Variants in BICRAL observed in about 807,000 individuals in gnomAD.
The protein encoded by BICRAL is BICRA like chromatin remodeling complex associated protein.
BICRAL carries 8 observed loss-of-function variants against 91.8 expected under a neutral mutation model. The observed-to-expected ratio is 0.09, with a 90% confidence interval of 0.05 to 0.16. BICRAL has a LOEUF of 0.16. BICRAL is among the 10% of genes least tolerant of loss of function. The probability of loss-of-function intolerance (pLI) is 1.00; values close to 1 mark genes in which losing one functional copy is unlikely to be tolerated. For missense variants in BICRAL, 1,038 were observed against 1,310.9 expected, an observed-to-expected ratio of 0.79 and a Z score of 3.21; for synonymous variants, 445 against 491.1, an observed-to-expected ratio of 0.91 and a Z score of 1.24.
At chr6:42,835,962 G>T (rs1449002766) in intron 6 of BICRAL, among the ~76,000 whole-genome samples, 1 of 152,042 alleles carries the variant, frequency 6.6e-6, no homozygotes, top group Admixed American at 6.6e-5. Flanking sequence ...AACAAAAAAT[G>T]TGCAGTTAAT....
At chr6:42,786,782 A>G (rs1763114622) in intron 1 of BICRAL, among the ~76,000 whole-genome samples, 1 of 152,144 alleles carries the variant, frequency 6.6e-6, no homozygotes, top group African/African-American at 2.4e-5. Context: ...AGCTGGGGAG[A>G]CATTTCAGAC....
intron 1 of BICRAL, among the ~76,000 whole-genome samples, chr6:42,803,223 G>A (rs934698106): frequency 2.0e-5 from 3 of 152,294 alleles, no homozygotes; most frequent in Admixed American, 6.5e-5. Flanking sequence ...CCCTTTATAA[G>A]GAGGTTTGTT....
chr6:42,791,833 G>A (rs898178711), intron 1 of BICRAL, among the ~76,000 whole-genome samples: 14 of 152,112 alleles, frequency 9.2e-5, no homozygotes, highest in African/African-American at 3.4e-4. Context: ...TGAATGCATC[G>A]TTAGGTGATT....
At chr6:42,837,459 A>C (rs1049458707) in intron 6 of BICRAL, among the ~76,000 whole-genome samples, 4 of 151,914 alleles carry the variant, frequency 2.6e-5, no homozygotes, top group African/African-American at 9.7e-5. Flanking sequence ...TTGGTTCAAA[A>C]AATCAAATGG....
At position 42,759,367 on chromosome 6, in the gene BICRAL, G is replaced by T. The variant is rs567781900; in HGVS notation, c.-261+12344G>T. Among the ~76,000 whole-genome samples the T allele has an allele frequency of 1.2e-4, 19 of 152,318 alleles. No individual in the cohort carries two copies. In the South Asian group the frequency reaches 3.9e-3, roughly 32 times the overall value. On this transcript the variant is annotated intron_variant, in intron 1 of 14. Coordinates refer to the BICRAL transcript ENST00000614467. Reference sequence around the variant, plus strand: ...CCTTTAACAAAGGATCAGTCTGGATGCTCTGTGTGAAGTGGATTTACATGG... The same window carrying T: ...CCTTTAACAAAGGATCAGTCTGGATTCTCTGTGTGAAGTGGATTTACATGG...
At chr6:42,838,586 A>G (rs1019083083) in intron 6 of BICRAL, among the ~76,000 whole-genome samples, 7 of 152,202 alleles carry the variant, frequency 4.6e-5, no homozygotes, top group African/African-American at 1.7e-4. Context: ...TCACCTGAAT[A>G]TTATATTGAT....
At chr6:42,767,259 T>G (rs991438534) in intron 1 of BICRAL, among the ~76,000 whole-genome samples, 1 of 152,238 alleles carries the variant, frequency 6.6e-6, no homozygotes, top group African/African-American at 2.4e-5. Flanking sequence ...TGTTTGCTTA[T>G]TAATTCCAGT....
upstream of BICRAL, among the ~76,000 whole-genome samples, chr6:42,781,062 G>T (rs1408237373): frequency 3.3e-5 from 5 of 151,818 alleles, no homozygotes; most frequent in Non-Finnish European, 1.5e-5. Flanking sequence ...AAATACTTTG[G>T]ATACTAGATA....
At chr6:42,783,636 G>A (rs3800290) in intron 1 of BICRAL, among the ~76,000 whole-genome samples, 1 of 151,996 alleles carries the variant, frequency 6.6e-6, no homozygotes, top group Non-Finnish European at 1.5e-5. Context: ...CTGGGGTCGC[G>A]CGGCCTTCTC....
intron 1 of BICRAL, among the ~76,000 whole-genome samples, chr6:42,785,430 A>G (rs1763074195): frequency 6.6e-6 from 1 of 151,688 alleles, no homozygotes; most frequent in South Asian, 2.1e-4. Flanking sequence ...GTGTGGTGGC[A>G]GGTGCCTGTA....
intron 2 of BICRAL, among the ~76,000 whole-genome samples, chr6:42,814,021 G>C (rs1435928962): frequency 6.6e-6 from 1 of 152,072 alleles, no homozygotes; most frequent in African/African-American, 2.4e-5. Context: ...ACCTTCAATA[G>C]GTCCGGGGGT....
At chr6:42,828,087 T>C (rs2113955071) in intron 5 of BICRAL, among the ~76,000 whole-genome samples, 1 of 152,312 alleles carries the variant, frequency 6.6e-6, no homozygotes. Flanking sequence ...GAGTTATGCC[T>C]GAGAAGCAGA....
chr6:42,857,637 T>A (rs433930), intron 10 of BICRAL, among the ~76,000 whole-genome samples: 51,509 of 89,402 alleles, frequency 0.58, 15,135 homozygotes, highest in Middle Eastern at 0.69. Flanking sequence ...ATATATATAT[T>A]TTTTAGGAGG....
At chr6:42,792,662 C>CT (rs1763305886) in intron 1 of BICRAL, among the ~76,000 whole-genome samples, 5 of 120 alleles carry the variant, frequency 0.042, no homozygotes, top group South Asian at 0.3. Flanking sequence ...GCTTGTAATC[C>CT]CGCACTTTGG....
rs912275797 is a variant in BICRAL, at chr6:42,829,915, A to G, written c.1582A>G (p.Met528Val). ...VSQGRPGFATMPSVTSMSGPS... is the reference protein window; with the variant it reads ...VSQGRPGFATVPSVTSMSGPS... ...CCAAGGAAGACCTGGCTTCGCCACC[A>G]TGCCATCGGTGACAAGCATGTCAGG... The change falls in exon 6 of 13, where the codon ATG (methionine) becomes GTG (valine). Residue 528 changes from methionine (M) to valine (V), a missense_variant. This residue lies in a region of BICRAL where 532 missense variants were observed against 724.9 expected (regional missense o/e 0.73). Transcript: ENST00000314073. 18 of 1,614,138 alleles carry G rather than the reference A, an allele frequency of 1.1e-5. No homozygotes were observed. Among genetic ancestry groups the G allele is most frequent in the Non-Finnish European group, 1.4e-5 (17 of 1,180,060 alleles).
intron 1 of BICRAL, among the ~76,000 whole-genome samples, chr6:42,793,930 A>T (rs757267898): frequency 6.6e-6 from 1 of 151,706 alleles, no homozygotes; most frequent in Non-Finnish European, 1.5e-5. Context: ...GGGTTTCCCC[A>T]TGTTGTCCAG....
intron 1 of BICRAL, among the ~76,000 whole-genome samples, chr6:42,788,675 G>GT: frequency 6.6e-6 from 1 of 152,320 alleles, no homozygotes; most frequent in South Asian, 2.1e-4. Context: ...GACGGCTTCT[G>GT]TTTTCTCAGT....
intron 1 of BICRAL, among the ~76,000 whole-genome samples, chr6:42,748,285 A>G (rs1488971801): frequency 6.6e-6 from 1 of 152,122 alleles, no homozygotes; most frequent in Non-Finnish European, 1.5e-5. Flanking sequence ...ATTTTTCTAG[A>G]AAAAAACAAC....
chr6:42,828,441 C>T (rs1764369404), intron 5 of BICRAL, 52 bp from the exon 6 acceptor site: 3 of 1,440,560 alleles, frequency 2.1e-6, no homozygotes, highest in South Asian at 1.3e-5. Flanking sequence ...AATTTTTATG[C>T]ATCCTTTTCA....
Sources: gnomAD v4.1 joint callset for allele counts (sites outside exome capture counted in the v4.1 genomes callset) on GRCh38, gnomAD v4.1.1 for gene constraint, gnomAD v4.1.1 regional missense constraint, MANE v1.5 for transcripts, NCBI Gene and HGNC (gene_info 2026-07-23, HGNC 2026-07-21) for gene names.